GALNT13: variants seen among roughly 807,000 people sequenced by gnomAD.
GALNT13 encodes the protein UDP-GalNAc:polypeptide N-acetylgalactosaminyltransferase 13.
A neutral mutation model predicts 64.2 loss-of-function variants in GALNT13; 28 were observed. That is an observed-to-expected ratio of 0.44 (90% confidence interval 0.32 to 0.60). The LOEUF (loss-of-function observed/expected upper bound fraction) is 0.60. Among genes scored for constraint, GALNT13 ranks in the 20% least tolerant of loss-of-function variants. The pLI, the probability that GALNT13 is intolerant of heterozygous loss-of-function variation, is 0.05. For missense variants in GALNT13, 577 were observed against 669.8 expected (o/e 0.86, Z 1.53); for synonymous variants, 214 against 224.6 (o/e 0.95, Z 0.42).
At chr2:153,493,654 T>G in the GALNT13 span, among the ~76,000 whole-genome samples, 1 of 151,820 alleles carries the variant, frequency 6.6e-6, no homozygotes, top group African/African-American at 2.4e-5. Context: ...CAGCATAATC[T>G]TAATAGAAAA....
At chr2:154,212,444 G>A (rs1449257130) in intron 4 of GALNT13, among the ~76,000 whole-genome samples, 3 of 151,912 alleles carry the variant, frequency 2.0e-5, no homozygotes, top group East Asian at 1.9e-4. Flanking sequence ...AGGTTTCACC[G>A]TATTTGTCAG....
At chr2:153,175,869 A>T in the GALNT13 span, among the ~76,000 whole-genome samples, 1 of 152,300 alleles carries the variant, frequency 6.6e-6, no homozygotes, top group African/African-American at 2.4e-5. Flanking sequence ...GACCAGCTAA[A>T]GATTGAACAT....
the GALNT13 span, among the ~76,000 whole-genome samples, chr2:153,271,123 A>C: frequency 1.8e-4 from 28 of 152,186 alleles, no homozygotes; most frequent in African/African-American, 6.3e-4. Flanking sequence ...CATATCTCAA[A>C]ATAGTAAGAG....
chr2:153,251,319 T>C, the GALNT13 span, among the ~76,000 whole-genome samples: 249 of 152,330 alleles, frequency 1.6e-3, 2 homozygotes, highest in African/African-American at 5.7e-3. Flanking sequence ...ACAGAGGTAA[T>C]TAATTTCCTT....
chr2:153,292,396 T>C, the GALNT13 span, among the ~76,000 whole-genome samples: 2 of 152,220 alleles, frequency 1.3e-5, no homozygotes, highest in Admixed American at 6.5e-5. Context: ...GCTGGATTTA[T>C]AATAACAATG....
At chr2:153,663,269 A>G in the GALNT13 span, among the ~76,000 whole-genome samples, 1 of 152,212 alleles carries the variant, frequency 6.6e-6, no homozygotes, top group Admixed American at 6.5e-5. Flanking sequence ...ATCCAGAAGC[A>G]TGTGAAATGT....
intron 3 of GALNT13, among the ~76,000 whole-genome samples, chr2:154,046,836 G>A (rs971293333): frequency 7.2e-5 from 11 of 152,032 alleles, no homozygotes; most frequent in Non-Finnish European, 1.3e-4. Context: ...CAATGAGAGA[G>A]GCCTGAGAAG....
At chr2:154,444,362 T>A (rs941725011) in intron 12 of GALNT13, among the ~76,000 whole-genome samples, 8 of 151,874 alleles carry the variant, frequency 5.3e-5, no homozygotes, top group Admixed American at 4.6e-4. Flanking sequence ...CCAAAGAAAA[T>A]GAAAAAAAGT....
intron 9 of GALNT13, among the ~76,000 whole-genome samples, chr2:154,395,758 A>G (rs1395225920): frequency 2.0e-5 from 3 of 152,202 alleles, no homozygotes; most frequent in African/African-American, 4.8e-5. Flanking sequence ...TAGTACAAGT[A>G]CTTGGTGATA....
intron 4 of GALNT13, among the ~76,000 whole-genome samples, chr2:154,220,784 TG>T (rs1688284536): frequency 6.6e-6 from 1 of 152,078 alleles, no homozygotes; most frequent in Non-Finnish European, 1.5e-5. Context: ...AAAGACATTA[TG>T]CTAAGAAGGC....
At chr2:154,144,236 G>T (rs945357435) in intron 4 of GALNT13, among the ~76,000 whole-genome samples, 3 of 152,098 alleles carry the variant, frequency 2.0e-5, no homozygotes, top group African/African-American at 7.2e-5. Flanking sequence ...AAGTCATCTT[G>T]AATGACTCAA....
chr2:154,143,972 T>G (rs1683420422), intron 4 of GALNT13, among the ~76,000 whole-genome samples: 1 of 151,928 alleles, frequency 6.6e-6, no homozygotes, highest in African/African-American at 2.4e-5. Flanking sequence ...TCTTAAACTG[T>G]GGAGCAATCC....
chr2:153,573,679 C>T, the GALNT13 span, among the ~76,000 whole-genome samples: 1 of 151,994 alleles, frequency 6.6e-6, no homozygotes, highest in Admixed American at 6.6e-5. Context: ...CTTGTGACAA[C>T]TTAACACTAT....
At chr2:154,113,491 G>C (rs1274701775) in intron 3 of GALNT13, among the ~76,000 whole-genome samples, 1 of 152,202 alleles carries the variant, frequency 6.6e-6, no homozygotes, top group African/African-American at 2.4e-5. Flanking sequence ...TTTCTTGCTT[G>C]TAGGAGGGGC....
chr2:153,322,625 T>C, the GALNT13 span, among the ~76,000 whole-genome samples: 1 of 152,144 alleles, frequency 6.6e-6, no homozygotes, highest in South Asian at 2.1e-4. Flanking sequence ...CTACATTAGG[T>C]ATTTCTGCTA....
At chr2:153,421,538 C>G in the GALNT13 span, 1 of 232,146 alleles carries the variant, frequency 4.3e-6, no homozygotes, top group Non-Finnish European at 9.8e-6. Context: ...GAACCCAGAA[C>G]CAGTTTCTCC....
intron 3 of GALNT13, among the ~76,000 whole-genome samples, chr2:153,986,878 G>A (rs1288138746): frequency 6.6e-6 from 1 of 151,876 alleles, no homozygotes; most frequent in Non-Finnish European, 1.5e-5. Flanking sequence ...ACAGTGGGAA[G>A]CCACTAAAAA....
the GALNT13 span, among the ~76,000 whole-genome samples, chr2:153,354,866 T>C: frequency 6.6e-6 from 1 of 152,242 alleles, no homozygotes; most frequent in South Asian, 2.1e-4. Flanking sequence ...AAGGTTGTTA[T>C]CCTAACGCAT....
the GALNT13 span, among the ~76,000 whole-genome samples, chr2:153,328,619 TC>T: frequency 1.3e-5 from 2 of 152,130 alleles, no homozygotes; most frequent in Non-Finnish European, 2.9e-5. Context: ...GGGAAACCCG[TC>T]TACTCAAGCC....
Sources: gnomAD v4.1 joint callset for allele counts (sites outside exome capture counted in the v4.1 genomes callset) on GRCh38, gnomAD v4.1.1 for gene constraint, MANE v1.5 for transcripts, NCBI Gene and HGNC (gene_info 2026-07-23, HGNC 2026-07-21) for gene names.